NDST4: variants seen among roughly 807,000 people sequenced by gnomAD.
NDST4 encodes N-heparan sulfate sulfotransferase 4.
In NDST4, 63 loss-of-function variants were observed where a neutral mutation model predicts 100.8. That is an observed-to-expected ratio of 0.62 (90% CI 0.51 to 0.77). The LOEUF (loss-of-function observed/expected upper bound fraction) is 0.77, where lower values mean the gene tolerates loss of function less well. Among genes scored for constraint, NDST4 ranks in the 30% least tolerant of loss-of-function variants. The probability of loss-of-function intolerance (pLI) is 0.00; values close to 1 mark genes in which losing one functional copy is unlikely to be tolerated. For missense variants in NDST4, 943 were observed against 1,018.4 expected, an observed-to-expected ratio of 0.93 and a Z score of 1.01; for synonymous variants, 377 against 361.8, an observed-to-expected ratio of 1.04 and a Z score of -0.48.
intron 1 of NDST4, among the ~76,000 whole-genome samples, chr4:115,107,421 C>T (rs1729853535): frequency 6.6e-6 from 1 of 151,958 alleles, no homozygotes; most frequent in African/African-American, 2.4e-5. Context: ...AATCAATAGA[C>T]AGAGACAAAA....
intron 2 of NDST4, among the ~76,000 whole-genome samples, chr4:115,047,863 GAAT>G (rs1728498349): frequency 6.6e-6 from 1 of 151,872 alleles, no homozygotes; most frequent in South Asian, 2.1e-4. Context: ...TTCAATAAAA[GAAT>G]ATTATAAAAA....
At chr4:114,859,078 G>T (rs1265580439) in intron 7 of NDST4, among the ~76,000 whole-genome samples, 1 of 152,168 alleles carries the variant, frequency 6.6e-6, no homozygotes, top group Non-Finnish European at 1.5e-5. Flanking sequence ...GCAAAGTATG[G>T]CAACCACTGC....
In NDST4 at chr4:115,095,048, C is replaced by G. The variant is rs568617252; in HGVS notation, c.-246-17766G>C. The stretch of plus-strand genomic sequence containing the variant: ...AAGGCTCCCAACACAATGTCAGAGA[C>G]AGCTGTCTACCAAGAATTCCAGCCC... On this transcript the variant is annotated intron_variant, in intron 1 of 13. Coordinates refer to ENST00000264363, the MANE Select transcript of NDST4 (RefSeq NM_022569.3). Among the ~76,000 whole-genome samples, 102 of 152,266 alleles carry G rather than the reference C, an allele frequency of 6.7e-4. 1 individual carries two copies. The highest frequency in any genetic ancestry group is 6.7e-3 in the Admixed American group (102 of 15,286).
Position 115,040,483 on chromosome 4 carries a change from CTCAG to C in NDST4, c.978+35572_978+35575del, listed in dbSNP as rs371291931. Reference sequence around the variant, plus strand: ...CATCCATATGAACTCTTCTGTTATCCTCAGTGTCTTTGATCACCTCTCTGTATAG... The same window carrying C: ...CATCCATATGAACTCTTCTGTTATCCTGTCTTTGATCACCTCTCTGTATAG... On this transcript the variant is annotated intron_variant, in intron 2 of 13. Coordinates refer to ENST00000264363, the MANE Select transcript of NDST4 (RefSeq NM_022569.3). 2.5e-3 allele frequency among the ~76,000 whole-genome samples: 384 copies of C among 151,602 alleles called. 2 individuals carry two copies. The highest frequency in any genetic ancestry group is 8.6e-3 in the African/African-American group (355 of 41,326).
rs576396683 is a variant in NDST4, at chr4:114,840,068, A to G, written c.2116-520T>C. ...TCCTTCAGATTCTGACATTTCCCCA[A>G]TATCCCTGTGTATCAGGTGCTATGG... On this transcript the variant is annotated intron_variant, in intron 10 of 13. Coordinates refer to ENST00000264363, the MANE Select transcript of NDST4 (RefSeq NM_022569.3). 3.0e-4 allele frequency among the ~76,000 whole-genome samples: 46 copies of G among 152,240 alleles called. 1 individual carries two copies. The highest frequency in any genetic ancestry group is 8.5e-4 in the Admixed American group (13 of 15,286).
intron 10 of NDST4, among the ~76,000 whole-genome samples, chr4:114,839,913 A>G (rs548802249): frequency 1.3e-5 from 2 of 152,264 alleles, no homozygotes; most frequent in East Asian, 3.9e-4. Context: ...TTCTTCATGG[A>G]TATTATTAAG....
chr4:115,001,211 C>T (rs764986376), intron 2 of NDST4, among the ~76,000 whole-genome samples: 4 of 151,842 alleles, frequency 2.6e-5, no homozygotes, highest in Non-Finnish European at 4.4e-5. Context: ...GGTAATAGCA[C>T]CTTGGTTTTC....
At chr4:114,860,035 A>G (rs1723884003) in intron 7 of NDST4, among the ~76,000 whole-genome samples, 1 of 152,216 alleles carries the variant, frequency 6.6e-6, no homozygotes, top group Non-Finnish European at 1.5e-5. Context: ...GCTGAAGTAC[A>G]ATCTAAAGGG....
At chr4:114,987,249 A>G (rs1726934995) in intron 2 of NDST4, among the ~76,000 whole-genome samples, 1 of 152,216 alleles carries the variant, frequency 6.6e-6, no homozygotes, top group African/African-American at 2.4e-5. Context: ...CAAGGAGTTT[A>G]TAACACAAAA....
At position 114,995,594 on chromosome 4, in the gene NDST4, A is replaced by C. The variant is rs369378861; in HGVS notation, c.979-18320T>G. 4.1e-4 allele frequency among the ~76,000 whole-genome samples: 63 copies of C among 152,186 alleles called. No individual in the cohort carries two copies. In the East Asian group the frequency reaches 4.5e-3, roughly 11 times the overall value. ...ACCATCAAATATGGTTACAGACTAA[A>C]TGATGTTAAACAATCCTGATACTTC... On this transcript the variant is annotated intron_variant, in intron 2 of 13. Coordinates refer to ENST00000264363, the MANE Select transcript of NDST4 (RefSeq NM_022569.3).
At position 115,011,630 on chromosome 4, in the gene NDST4, A is replaced by T. The variant is rs1440704554; in HGVS notation, c.979-34356T>A. ...GTTTCAGGTAATAATAAACAATAAA[A>T]ATCTATTGTAAGATCTGTTCATTCA... is the stretch of plus-strand genomic sequence containing the variant. On this transcript the variant is annotated intron_variant, in intron 2 of 13. Coordinates refer to ENST00000264363, the MANE Select transcript of NDST4 (RefSeq NM_022569.3). Among the ~76,000 whole-genome samples the T allele has an allele frequency of 2.6e-5, 4 of 152,064 alleles. No individual in the cohort carries two copies. In the East Asian group the frequency reaches 7.7e-4, roughly 29 times the overall value.
chr4:114,989,565 C>T (rs532174659), intron 2 of NDST4, among the ~76,000 whole-genome samples: 1 of 152,144 alleles, frequency 6.6e-6, no homozygotes, highest in Admixed American at 6.5e-5. Flanking sequence ...CTGTGGGAAG[C>T]CATTGGAGAG....
At chr4:114,956,566 C>G (rs1336268703) in intron 4 of NDST4, among the ~76,000 whole-genome samples, 1 of 152,078 alleles carries the variant, frequency 6.6e-6, no homozygotes, top group African/African-American at 2.4e-5. Flanking sequence ...TGCCTTTTGT[C>G]AAAAGCAATC....
At chr4:114,989,938 T>C (rs1439603950) in intron 2 of NDST4, among the ~76,000 whole-genome samples, 14 of 152,182 alleles carry the variant, frequency 9.2e-5, no homozygotes, top group Non-Finnish European at 1.5e-5. Flanking sequence ...AGTAGAGAAG[T>C]GTCTCTTCAA....
intron 6 of NDST4, among the ~76,000 whole-genome samples, chr4:114,909,910 T>C (rs1277769060): frequency 6.6e-6 from 1 of 152,154 alleles, no homozygotes; most frequent in Non-Finnish European, 1.5e-5. Context: ...ATTTTTAATT[T>C]TGACTTCTAC....
At chr4:114,985,627 T>C (rs922246873) in intron 2 of NDST4, among the ~76,000 whole-genome samples, 6 of 152,160 alleles carry the variant, frequency 3.9e-5, no homozygotes, top group African/African-American at 1.4e-4. Flanking sequence ...ACTGGTAAGT[T>C]TTCTGGTTTT....
intron 2 of NDST4, among the ~76,000 whole-genome samples, chr4:115,049,653 T>C (rs537207895): frequency 6.6e-6 from 1 of 152,268 alleles, no homozygotes; most frequent in African/African-American, 2.4e-5. Flanking sequence ...TTTTGCCCTG[T>C]GAGAGAAGGG....
At chr4:115,061,208 A>G (rs189024868) in intron 2 of NDST4, among the ~76,000 whole-genome samples, 2 of 152,270 alleles carry the variant, frequency 1.3e-5, no homozygotes, top group Non-Finnish European at 2.9e-5. Context: ...TGTGGAAGAG[A>G]GTGAGCTGAT....
At chr4:114,880,973 A>G (rs529236107) in intron 6 of NDST4, among the ~76,000 whole-genome samples, 2 of 152,222 alleles carry the variant, frequency 1.3e-5, no homozygotes, top group Admixed American at 1.3e-4. Flanking sequence ...GTGAAAAGCA[A>G]TTGGTAACAC....
Sources: allele counts gnomAD v4.1 joint callset (sites outside exome capture counted in the v4.1 genomes callset), GRCh38; gene constraint gnomAD v4.1.1; transcripts MANE v1.5; gene names NCBI Gene and HGNC (gene_info 2026-07-23, HGNC 2026-07-21).